The following ESCO1 variants were observed in gnomAD, a reference collection of about 807,000 sequenced individuals.
The protein encoded by ESCO1 is establishment of sister chromatid cohesion N-acetyltransferase 1.
A neutral mutation model predicts 83.5 loss-of-function variants in ESCO1; 33 were observed. That is an observed-to-expected ratio of 0.40 (90% CI 0.30 to 0.53). The LOEUF is 0.53. Among genes scored for constraint, ESCO1 ranks in the 20% least tolerant of loss-of-function variants. ESCO1 has a pLI of 0.63. For synonymous variants in ESCO1, 332 were observed against 324.3 expected (o/e 1.02, Z -0.25); for missense variants, 855 against 968.0 (o/e 0.88, Z 1.55).
At chr18:21,597,889 C>T (rs2038787995) in intron 1 of ESCO1, among the ~76,000 whole-genome samples, 1 of 152,122 alleles carries the variant, frequency 6.6e-6, no homozygotes, top group Admixed American at 6.6e-5. Context: ...AAAGACAAGA[C>T]ATGATGGCTG....
At chr18:21,581,602 C>T (rs1660636492) in intron 2 of ESCO1, among the ~76,000 whole-genome samples, 1 of 151,700 alleles carries the variant, frequency 6.6e-6, no homozygotes, top group Admixed American at 6.6e-5. Context: ...CAGAGCAAGA[C>T]TCCATCTCAA....
At chr18:21,569,096 C>A (rs1037302381) in intron 4 of ESCO1, among the ~76,000 whole-genome samples, 1 of 152,190 alleles carries the variant, frequency 6.6e-6, no homozygotes, top group Non-Finnish European at 1.5e-5. Context: ...TTCCATAAAG[C>A]CTTTCCCAAT....
chr18:21,574,584 G>A lies in ESCO1; in HGVS notation c.260C>T (p.Thr87Met), dbSNP rs199631165. ...TTGTGAATATCCCCTCACAGTCACC[G>A]TATTTTTATTAATGGATTTAGTAGC... ...DKATKSINKN[T>M]VTVRGYSQES... Residue 87 changes from threonine (T) to methionine (M), a missense_variant, in exon 4 of 12, where the codon ACG becomes ATG. Around this residue, in one of 2 missense-constraint regions of ESCO1, gnomAD observed 726 missense variants for 699.5 expected, o/e 1.04. Coordinates refer to ENST00000269214, the MANE Select transcript of ESCO1 (RefSeq NM_052911.3). The A allele has an allele frequency of 1.2e-4, 200 of 1,613,966 alleles. No homozygotes were observed. The highest frequency in any genetic ancestry group is 1.5e-4 in the Non-Finnish European group (178 of 1,179,974).
intron 8 of ESCO1, among the ~76,000 whole-genome samples, chr18:21,541,842 T>C (rs2037912181): frequency 6.6e-6 from 1 of 152,176 alleles, no homozygotes; most frequent in Admixed American, 6.5e-5. Context: ...AAACCATTCT[T>C]CCTGAACTGA....
At chr18:21,584,085 TA>T (rs1284875346) in intron 2 of ESCO1, among the ~76,000 whole-genome samples, 2 of 152,160 alleles carry the variant, frequency 1.3e-5, no homozygotes, top group East Asian at 3.9e-4. Flanking sequence ...CACTAACTAA[TA>T]ATAGTGATGA....
At chr18:21,548,523 G>C (rs760130472) in intron 8 of ESCO1, among the ~76,000 whole-genome samples, 3 of 151,860 alleles carry the variant, frequency 2.0e-5, no homozygotes, top group Non-Finnish European at 4.4e-5. Flanking sequence ...AAAGGCCAGG[G>C]GGGTGGTGGA....
At chr18:21,568,210 TAC>T in intron 4 of ESCO1, 116 bp from the exon 5 acceptor site, 1 of 714,252 alleles carries the variant, frequency 1.4e-6, no homozygotes, top group Non-Finnish European at 2.4e-6. Context: ...GAGCAATTAA[TAC>T]AGACATGAAG....
In ESCO1 at chr18:21,529,708, T is replaced by G. The variant is rs1467371020; in HGVS notation, c.*635A>C. ...GCCTCAATTCTTTACCACTTTCTAC[T>G]TCCTCCTTCCATCAAAGATAGGAAA... On this transcript the variant is annotated 3_prime_UTR_variant, in exon 12 of 12. Transcript: ENST00000269214. 1 of 152,188 alleles carries G rather than the reference T, an allele frequency of 6.6e-6. No individual in the cohort carries two copies. The highest frequency in any genetic ancestry group is 1.5e-5 in the Non-Finnish European group (1 of 68,016). The allele number at this position is 152,188 out of a possible 1,614,324, so 9.4% of individuals were successfully genotyped here.
chr18:21,584,903 G>A (rs986010686), intron 1 of ESCO1, among the ~76,000 whole-genome samples: 2 of 152,052 alleles, frequency 1.3e-5, no homozygotes, highest in East Asian at 3.8e-4. Context: ...CCAGAACTTT[G>A]GGAGGCCGAG....
chr18:21,577,818 G>A lies in ESCO1; in HGVS notation c.-693-2041C>T, dbSNP rs79000085. On this transcript the variant is annotated intron_variant, in intron 2 of 11. Coordinates refer to ENST00000269214, the MANE Select transcript of ESCO1 (RefSeq NM_052911.3). ...TGGAAGTATCATACTGACAACAGAA[G>A]GAATAAATAGGAATATACACACTGA... Among the ~76,000 whole-genome samples the A allele has an allele frequency of 3.9e-4, 60 of 152,164 alleles. No individual in the cohort carries two copies. In the East Asian group the frequency reaches 0.011, roughly 27 times the overall value.
chr18:21,590,178 T>C (rs2038644198), intron 1 of ESCO1, among the ~76,000 whole-genome samples: 2 of 151,776 alleles, frequency 1.3e-5, no homozygotes, highest in South Asian at 2.1e-4. Flanking sequence ...ACTCTCCTTA[T>C]ACTGCTGATC....
At chr18:21,570,686 T>C (rs1431096196) in intron 4 of ESCO1, among the ~76,000 whole-genome samples, 1 of 151,914 alleles carries the variant, frequency 6.6e-6, no homozygotes, top group Non-Finnish European at 1.5e-5. Context: ...GAATAAAGAG[T>C]TGCAGTCTTC....
At position 21,566,138 on chromosome 18, in the gene ESCO1, T is replaced by C. The variant is rs1458433867; in HGVS notation, c.1706+8A>G. ...TCCTTAAGCTCTAAAATTTAATTAA[T>C]AGCTTACCTGTTATCACTGCTTTTA... is the stretch of plus-strand genomic sequence containing the variant. On this transcript the variant is annotated splice_region_variant and intron_variant, in intron 6 of 11. Coordinates refer to ENST00000269214, the MANE Select transcript of ESCO1 (RefSeq NM_052911.3). The C allele has an allele frequency of 3.7e-6, 6 of 1,608,326 alleles. No individual in the cohort carries two copies. Among genetic ancestry groups the C allele is most frequent in the African/African-American group, 1.3e-5 (1 of 74,726 alleles).
chr18:21,587,415 T>A (rs1174009370), intron 1 of ESCO1, among the ~76,000 whole-genome samples: 2 of 152,222 alleles, frequency 1.3e-5, no homozygotes, highest in African/African-American at 4.8e-5. Context: ...GAGGTATTTT[T>A]ATTCAATCTC....
chr18:21,572,994 G>C (rs910836817), intron 4 of ESCO1, among the ~76,000 whole-genome samples: 1 of 150,718 alleles, frequency 6.6e-6, no homozygotes, highest in Non-Finnish European at 1.5e-5. Flanking sequence ...CCTAAGAAAC[G>C]TACTTTCTAT....
intron 1 of ESCO1, among the ~76,000 whole-genome samples, chr18:21,592,580 G>A (rs1345770480): frequency 6.7e-6 from 1 of 149,184 alleles, no homozygotes; most frequent in African/African-American, 2.5e-5. Flanking sequence ...CCTCCCGGAC[G>A]GGGCGGCTGG....
intron 10 of ESCO1, among the ~76,000 whole-genome samples, chr18:21,534,505 G>A (rs1374317556): frequency 6.6e-6 from 1 of 152,178 alleles, no homozygotes; most frequent in Non-Finnish European, 1.5e-5. Context: ...GCAGTTTCTA[G>A]TAACACTCAT....
chr18:21,540,010 CTAGA>C lies in ESCO1; in HGVS notation c.1954-5_1954-2del, dbSNP rs2146173309. ...CCAGAATTCTTTCTTTCTTCCAGCC[CTAGA>C]TATATATATATATATATACACACAT... is the stretch of plus-strand genomic sequence containing the variant. On this transcript the variant is annotated splice_acceptor_variant and splice_polypyrimidine_tract_variant and intron_variant, in intron 8 of 11. Transcript: ENST00000269214. LOFTEE classifies it high-confidence loss of function. 2.0e-6 allele frequency: 3 copies of C among 1,527,024 alleles called. No individual in the cohort carries two copies. The highest frequency in any genetic ancestry group is 2.6e-6 in the Non-Finnish European group (3 of 1,140,464). 94.6% of individuals were successfully genotyped at this position (1,527,024 alleles called of 1,614,324 possible).
chr18:21,547,884 A>G (rs1187601816), intron 8 of ESCO1, among the ~76,000 whole-genome samples: 1 of 151,614 alleles, frequency 6.6e-6, no homozygotes, highest in Non-Finnish European at 1.5e-5. Flanking sequence ...TGGGCAGATC[A>G]CGAGGTCAGG....
Sources: gnomAD v4.1 joint callset for allele counts (sites outside exome capture counted in the v4.1 genomes callset) on GRCh38, gnomAD v4.1.1 for gene constraint, gnomAD v4.1.1 regional missense constraint, MANE v1.5 for transcripts, NCBI Gene and HGNC (gene_info 2026-07-23, HGNC 2026-07-21) for gene names.